The following PCSK5 variants were observed in gnomAD, a reference collection of about 807,000 sequenced individuals.
The protein encoded by PCSK5 is prohormone convertase 5.
A neutral mutation model predicts 233.2 loss-of-function variants in PCSK5; 129 were observed. The ratio of observed to expected loss-of-function variants is 0.55; its 90% CI spans 0.48 to 0.64. The LOEUF (loss-of-function observed/expected upper bound fraction) is 0.64, where lower values mean the gene tolerates loss of function less well. Among genes scored for constraint, PCSK5 ranks in the 30% least tolerant of loss-of-function variants. PCSK5 has a pLI of 0.00. For missense variants in PCSK5, 2,076 were observed against 2,430.1 expected (o/e 0.85, Z 3.06); for synonymous variants, 825 against 879.2 (o/e 0.94, Z 1.09).
intron 21 of PCSK5, among the ~76,000 whole-genome samples, chr9:76,231,834 T>C (rs754479001): frequency 2.6e-5 from 4 of 152,190 alleles, no homozygotes; most frequent in Admixed American, 6.5e-5. Context: ...AGTGTCTGTT[T>C]AGGACTGGGA....
At chr9:76,278,727 AG>A (rs1827769915) in intron 24 of PCSK5, among the ~76,000 whole-genome samples, 1 of 152,154 alleles carries the variant, frequency 6.6e-6, no homozygotes, top group African/African-American at 2.4e-5. Context: ...CCACACAGGT[AG>A]GTATCTACCT....
chr9:76,138,497 C>G (rs1823071010), intron 10 of PCSK5, among the ~76,000 whole-genome samples: 1 of 152,018 alleles, frequency 6.6e-6, no homozygotes, highest in African/African-American at 2.4e-5. Flanking sequence ...GAAGTTAGCT[C>G]TTTCTTGTGA....
intron 20 of PCSK5, among the ~76,000 whole-genome samples, chr9:76,209,979 G>A (rs1315664487): frequency 1.3e-5 from 2 of 152,078 alleles, no homozygotes; most frequent in South Asian, 2.1e-4. Context: ...AGAAAGGAGT[G>A]GGCACACTTC....
intron 2 of PCSK5, among the ~76,000 whole-genome samples, chr9:75,947,447 C>T (rs1181465933): frequency 1.3e-5 from 2 of 151,564 alleles, no homozygotes; most frequent in Non-Finnish European, 2.9e-5. Flanking sequence ...TTTCGCAAAG[C>T]TAAGTAAGCA....
chr9:76,053,638 C>T (rs1293765853), intron 5 of PCSK5, among the ~76,000 whole-genome samples: 1 of 152,162 alleles, frequency 6.6e-6, no homozygotes. Context: ...GTCACCTTTG[C>T]TTCAGTTCCC....
chr9:76,091,764 C>T (rs1309215508), intron 7 of PCSK5, among the ~76,000 whole-genome samples: 2 of 152,190 alleles, frequency 1.3e-5, no homozygotes, highest in Non-Finnish European at 2.9e-5. Context: ...CTCCGATTAG[C>T]CCCTCTGTCA....
At chr9:76,193,231 GA>G in intron 20 of PCSK5, 1 of 1,612,178 alleles carries the variant, frequency 6.2e-7, no homozygotes, top group Non-Finnish European at 8.5e-7. Context: ...CTGACTTCTG[GA>G]AAAGCAACGG....
chr9:76,276,637 C>T (rs1015632985), intron 24 of PCSK5, among the ~76,000 whole-genome samples: 3 of 152,110 alleles, frequency 2.0e-5, no homozygotes, highest in African/African-American at 4.8e-5. Context: ...TGTTATCATT[C>T]GAATCTCTAC....
chr9:75,910,760 G>A (rs765392929), intron 1 of PCSK5, among the ~76,000 whole-genome samples: 5 of 152,130 alleles, frequency 3.3e-5, no homozygotes, highest in African/African-American at 4.8e-5. Context: ...GCCACATTGT[G>A]CTTCCAGAAT....
At chr9:76,188,492 A>C in intron 17 of PCSK5, 86 bp from the exon 18 acceptor site, 1 of 812,722 alleles carries the variant, frequency 1.2e-6, no homozygotes, top group Non-Finnish European at 2.1e-6. Context: ...GGGAAACTGT[A>C]TCTGTTACAT....
At chr9:76,075,967 T>C (rs10735643) in intron 7 of PCSK5, among the ~76,000 whole-genome samples, 112,830 of 152,144 alleles carry the variant, frequency 0.74, 42,823 homozygotes, top group African/African-American at 0.91. Context: ...AGGATAGAAA[T>C]AATCAAGACT....
intron 2 of PCSK5, among the ~76,000 whole-genome samples, chr9:75,973,870 T>A (rs1825905454): frequency 1.3e-5 from 2 of 151,494 alleles, no homozygotes; most frequent in African/African-American, 2.4e-5. Flanking sequence ...GGCCGAGGAG[T>A]GGAGAGAGAG....
rs564026011 is a variant in PCSK5 at position 76,240,802 on chromosome 9, C to T, written c.3142+118C>T. 323 of 696,896 alleles carry T rather than the reference C, an allele frequency of 4.6e-4. 6 individuals carry two copies. The highest frequency in any genetic ancestry group is 4.3e-3 in the South Asian group (248 of 57,906). The allele number at this position is 696,896 out of a possible 1,614,324, so 43.2% of individuals were successfully genotyped here. On this transcript the variant is annotated intron_variant, in intron 24 of 37. Transcript: ENST00000674117. ...GTCATTGCTGTCAGCCTCAGTGACA[C>T]CATCAACGTCTTAAGTAGGCTTTCT...
intron 7 of PCSK5, among the ~76,000 whole-genome samples, chr9:76,072,463 C>A (rs1258673345): frequency 1.3e-5 from 2 of 152,172 alleles, no homozygotes; most frequent in African/African-American, 4.8e-5. Flanking sequence ...AATAAAATGT[C>A]TATTTCAAAT....
At chr9:76,186,976 A>C (rs1272138881) in intron 17 of PCSK5, among the ~76,000 whole-genome samples, 1 of 152,070 alleles carries the variant, frequency 6.6e-6, no homozygotes, top group Admixed American at 6.6e-5. Flanking sequence ...ATTTTGCCTC[A>C]AGAGACTTGT....
At chr9:75,914,344 T>C (rs566442353) in intron 1 of PCSK5, among the ~76,000 whole-genome samples, 1 of 152,300 alleles carries the variant, frequency 6.6e-6, no homozygotes, top group African/African-American at 2.4e-5. Context: ...CAGATTTGGT[T>C]GTTACTTACT....
chr9:75,979,592 G>A (rs1171908678), intron 2 of PCSK5, among the ~76,000 whole-genome samples: 1 of 152,166 alleles, frequency 6.6e-6, no homozygotes, highest in Non-Finnish European at 1.5e-5. Flanking sequence ...AGGCCTGAGG[G>A]ATTGCAATAG....
intron 13 of PCSK5, among the ~76,000 whole-genome samples, chr9:76,173,933 C>T (rs2131193280): frequency 6.6e-6 from 1 of 152,064 alleles, no homozygotes; most frequent in East Asian, 1.9e-4. Flanking sequence ...TAGATCATGC[C>T]ATTGCACTCC....
chr9:76,048,204 G>C (rs1829491473), intron 5 of PCSK5, among the ~76,000 whole-genome samples: 2 of 152,264 alleles, frequency 1.3e-5, no homozygotes, highest in East Asian at 1.9e-4. Flanking sequence ...CAGTTTGCTT[G>C]ATTTGACTTT....
Sources: gnomAD v4.1 joint callset for allele counts (sites outside exome capture counted in the v4.1 genomes callset) on GRCh38, gnomAD v4.1.1 for gene constraint, MANE v1.5 for transcripts, NCBI Gene and HGNC (gene_info 2026-07-23, HGNC 2026-07-21) for gene names.